The following ZC3H12C variants were observed in gnomAD, a reference collection of about 807,000 sequenced individuals.
ZC3H12C encodes zinc finger CCCH-type containing 12C.
A neutral mutation model predicts 76.3 loss-of-function variants in ZC3H12C; 20 were observed. The ratio of observed to expected loss-of-function variants is 0.26; its 90% CI spans 0.18 to 0.38. The LOEUF (loss-of-function observed/expected upper bound fraction) is 0.38. ZC3H12C is among the 10% of genes least tolerant of loss of function. The pLI, the probability that ZC3H12C is intolerant of heterozygous loss-of-function variation, is 1.00. For synonymous variants in ZC3H12C, 352 were observed against 399.6 expected (o/e 0.88, Z 1.42); for missense variants, 874 against 1,086.5 (o/e 0.80, Z 2.75).
intron 1 of ZC3H12C, among the ~76,000 whole-genome samples, chr11:110,093,718 G>A (rs768811181): frequency 1.3e-5 from 2 of 152,048 alleles, no homozygotes; most frequent in Non-Finnish European, 2.9e-5. Context: ...CGGGCTTCCC[G>A]GCCCCGCGGC....
chr11:110,152,439 G>T (rs622822), intron 2 of ZC3H12C, among the ~76,000 whole-genome samples: 104,704 of 151,970 alleles, frequency 0.69, 36,849 homozygotes, highest in South Asian at 0.79. Context: ...AGTTTGTGCA[G>T]TATTCAGTCA....
intron 1 of ZC3H12C, among the ~76,000 whole-genome samples, chr11:110,097,827 C>T (rs1045046499): frequency 1.3e-5 from 2 of 152,134 alleles, no homozygotes; most frequent in African/African-American, 4.8e-5. Flanking sequence ...AAGTTCCTGT[C>T]GCCTAGTGAT....
At chr11:110,159,535 A>G (rs1425390666) in intron 4 of ZC3H12C, 45 bp downstream of exon 4, 1 of 1,458,440 alleles carries the variant, frequency 6.9e-7, no homozygotes, top group Admixed American at 2.0e-5. Context: ...TTCTGTAAAA[A>G]TATAACTATC....
intron 1 of ZC3H12C, among the ~76,000 whole-genome samples, chr11:110,117,159 G>C (rs4754421): frequency 0.71 from 107,913 of 152,074 alleles, 38,613 homozygotes; most frequent in East Asian, 0.89. Context: ...AATAGTGGTG[G>C]CTAATTGGTG....
rs1348336988 is a variant in ZC3H12C, at chr11:110,146,023, G to T, written c.774-6896G>T. 3.3e-5 allele frequency among the ~76,000 whole-genome samples: 5 copies of T among 152,202 alleles called. No homozygotes were observed. The East Asian group carries it at 9.6e-4, about 29-fold the overall frequency. On this transcript the variant is annotated intron_variant, in intron 2 of 5. Transcript: ENST00000278590. ...TGTTTTTGAGACGGAGTCTTGCTCT[G>T]TCGCCCAGGCTGGAGTGCTGTGGCG...
chr11:110,138,208 C>G (rs1283665173), intron 2 of ZC3H12C, among the ~76,000 whole-genome samples: 1 of 147,666 alleles, frequency 6.8e-6, no homozygotes, highest in Non-Finnish European at 1.5e-5. Context: ...TAACTGCTCA[C>G]AATTTCAGAG....
intron 1 of ZC3H12C, among the ~76,000 whole-genome samples, chr11:110,132,691 T>C (rs920931215): frequency 2.0e-5 from 3 of 152,150 alleles, no homozygotes; most frequent in African/African-American, 7.2e-5. Flanking sequence ...TTGGAGTTTT[T>C]TGATAACTAT....
rs960562464 is a variant in ZC3H12C, at chr11:110,142,736, T to C, written c.773+5322T>C. ...TAAATCGATGACTTCCAGGCTTCTA[T>C]TTTCCTTTAAAGCAGTACAATCCTG... On this transcript the variant is annotated intron_variant, in intron 2 of 5. Coordinates refer to ENST00000278590, the MANE Select transcript of ZC3H12C (RefSeq NM_033390.2). Among the ~76,000 whole-genome samples the C allele has an allele frequency of 5.9e-5, 9 of 152,318 alleles. No homozygotes were observed. The South Asian group carries it at 1.9e-3, about 32-fold the overall frequency.
rs755801246 is a variant in ZC3H12C at position 110,164,797 on chromosome 11, C to T, written c.1712C>T (p.Thr571Met). ...SMMMATKNHG[T>M]PMPYEQYPKC... ...ATGATGGCAACCAAAAATCATGGAA[C>T]GCCAATGCCTTATGAACAGTATCCA... is the stretch of plus-strand genomic sequence containing the variant. The change falls in exon 6 of 6, where the codon ACG becomes ATG. Residue 571 changes from threonine to methionine, a missense_variant. Transcript: ENST00000278590. The surrounding 1 kb of genome is among the most constrained non-coding windows in gnomAD (Gnocchi z 5.7). The T allele has an allele frequency of 9.9e-6, 16 of 1,613,912 alleles. 1 individual carries two copies. Among genetic ancestry groups the T allele is most frequent in the Middle Eastern group, 3.3e-4 (2 of 6,084 alleles).
intron 1 of ZC3H12C, among the ~76,000 whole-genome samples, chr11:110,117,968 C>T: frequency 8.5e-6 from 1 of 117,352 alleles, no homozygotes; most frequent in African/African-American, 3.6e-5. Context: ...CATATATACA[C>T]ACACATATAT....
At chr11:110,128,195 T>C (rs555343134) in intron 1 of ZC3H12C, among the ~76,000 whole-genome samples, 52 of 152,070 alleles carry the variant, frequency 3.4e-4, no homozygotes, top group African/African-American at 1.3e-3. Context: ...CAGAGCCCAG[T>C]CCAGCTGTTT....
At chr11:110,093,774 T>G (rs148887506) in intron 1 of ZC3H12C, among the ~76,000 whole-genome samples, 1 of 151,946 alleles carries the variant, frequency 6.6e-6, no homozygotes, top group African/African-American at 2.4e-5. Context: ...ATCGCGAACA[T>G]GGAGGCGGGC....
chr11:110,135,078 T>A (rs1861931278), intron 1 of ZC3H12C, among the ~76,000 whole-genome samples: 1 of 152,208 alleles, frequency 6.6e-6, no homozygotes, highest in African/African-American at 2.4e-5. Context: ...TTAGAAACAT[T>A]TTCTCAGTTT....
At chr11:110,127,004 T>C (rs939774256) in intron 1 of ZC3H12C, among the ~76,000 whole-genome samples, 1 of 152,208 alleles carries the variant, frequency 6.6e-6, no homozygotes, top group Non-Finnish European at 1.5e-5. Context: ...CAGAAGTTAC[T>C]TTGGGTGGAT....
At chr11:110,108,850 A>G (rs10749953) in intron 1 of ZC3H12C, among the ~76,000 whole-genome samples, 107,256 of 152,028 alleles carry the variant, frequency 0.71, 38,112 homozygotes, top group East Asian at 0.89. Context: ...CTTCTCAGCC[A>G]CTCAAATCAA....
intron 1 of ZC3H12C, among the ~76,000 whole-genome samples, chr11:110,102,254 C>T (rs1367609515): frequency 2.0e-5 from 3 of 147,840 alleles, no homozygotes; most frequent in Non-Finnish European, 4.5e-5. Flanking sequence ...AAGGATTTAC[C>T]ATACTAGATG....
At chr11:110,163,232 C>A in intron 4 of ZC3H12C, 41 bp from the exon 5 acceptor site, 2 of 1,495,450 alleles carry the variant, frequency 1.3e-6, no homozygotes, top group Middle Eastern at 1.7e-4. Flanking sequence ...AAATTATCAG[C>A]CTCCTACTTA....
chr11:110,125,784 C>T lies in ZC3H12C; in HGVS notation c.22-10879C>T, dbSNP rs1008180050. Among the ~76,000 whole-genome samples the T allele has an allele frequency of 3.3e-5, 5 of 152,364 alleles. 1 individual carries two copies. The highest frequency in any genetic ancestry group is 2.0e-4 in the Admixed American group (3 of 15,308). On this transcript the variant is annotated intron_variant, in intron 1 of 5. Coordinates refer to ENST00000278590, the MANE Select transcript of ZC3H12C (RefSeq NM_033390.2). The stretch of plus-strand genomic sequence containing the variant: ...TCATGGCCCCACATACATCTGGCCA[C>T]AGTACTAGGGCAAACAGGTGAGTAA...
chr11:110,162,432 G>A (rs926257558), intron 4 of ZC3H12C, among the ~76,000 whole-genome samples: 1 of 152,036 alleles, frequency 6.6e-6, no homozygotes, highest in African/African-American at 2.4e-5. Flanking sequence ...CTCCTGTAAG[G>A]GTTCATACAT....
Sources: allele counts gnomAD v4.1 joint callset (sites outside exome capture counted in the v4.1 genomes callset), GRCh38; gene constraint gnomAD v4.1.1; non-coding constraint Gnocchi (gnomAD v3.1); transcripts MANE v1.5; gene names NCBI Gene and HGNC (gene_info 2026-07-23, HGNC 2026-07-21).